ABCA10: variants seen among roughly 807,000 people sequenced by gnomAD.
The protein encoded by ABCA10 is ATP-binding cassette sub-family A member 10.
A neutral mutation model predicts 187.5 loss-of-function variants in ABCA10; 169 were observed. The observed-to-expected ratio is 0.90, with a 90% confidence interval of 0.80 to 1.02. The LOEUF is 1.02. Ranked by LOEUF, ABCA10 falls within the 50% of genes least tolerant of loss-of-function variation. ABCA10 has a pLI of 0.00. For missense variants in ABCA10, 1,727 were observed against 1,812.4 expected, an observed-to-expected ratio of 0.95 and a Z score of 0.86; for synonymous variants, 574 against 601.8, an observed-to-expected ratio of 0.95 and a Z score of 0.68.
intron 25 of ABCA10, among the ~76,000 whole-genome samples, chr17:69,168,524 A>G (rs1048954767): frequency 6.6e-6 from 1 of 152,224 alleles, no homozygotes; most frequent in African/African-American, 2.4e-5. Flanking sequence ...CTCTGTTTTT[A>G]TTCACCAAAT....
chr17:69,187,501 T>G (rs941036806), intron 19 of ABCA10, among the ~76,000 whole-genome samples, 180 bp downstream of exon 19: 17 of 152,178 alleles, frequency 1.1e-4, no homozygotes, highest in African/African-American at 2.4e-5. Context: ...AAAAATCCAG[T>G]GTCACAGTAT....
At chr17:69,169,113 T>C (rs1289339243) in intron 25 of ABCA10, among the ~76,000 whole-genome samples, 1 of 152,186 alleles carries the variant, frequency 6.6e-6, no homozygotes, top group Non-Finnish European at 1.5e-5. Context: ...CCTAAAACAC[T>C]AGAAAGTACT....
rs762672011 is a variant in ABCA10 at position 69,182,808 on chromosome 17, C to T, written c.2498G>A (p.Gly833Glu). 1 of 1,565,528 alleles carries T rather than the reference C, an allele frequency of 6.4e-7. No homozygotes were observed. The highest frequency in any genetic ancestry group is 8.6e-7 in the Non-Finnish European group (1 of 1,161,424). Residue 833 changes from glycine (G) to glutamate (E), a missense_variant and splice_region_variant, in exon 21 of 39, where the codon GGA becomes GAA. By Grantham distance (98) the Gly-to-Glu change is moderately conservative. Transcript: ENST00000690296. ...LTSLLIVNNT[G>E]SNIEDLVHSL... ...ATGCACGAGGTCTTCAATATTTGAT[C>T]CTAACATAGTGGAAGGAAGGCAACA...
At chr17:69,207,333 G>A (rs1321423622) in intron 9 of ABCA10, among the ~76,000 whole-genome samples, 1 of 152,002 alleles carries the variant, frequency 6.6e-6, no homozygotes, top group East Asian at 1.9e-4. Flanking sequence ...TATGATGAAG[G>A]TTCCCAAAAA....
chr17:69,222,712 A>C lies in ABCA10; in HGVS notation c.35-15T>G. The C allele has an allele frequency of 1.9e-6, 3 of 1,544,862 alleles. No individual in the cohort carries two copies. The highest frequency in any genetic ancestry group is 2.6e-6 in the Non-Finnish European group (3 of 1,157,022). On this transcript the variant is annotated splice_polypyrimidine_tract_variant and intron_variant, in intron 3 of 38. Coordinates refer to ENST00000690296, the MANE Select transcript of ABCA10 (RefSeq NM_001377321.1). ...GACTGTTCTTCCTACCATGTATGAAAAACATAAATAAATAATCATGTAAAC... is the reference window on the plus strand; with the variant it reads ...GACTGTTCTTCCTACCATGTATGAACAACATAAATAAATAATCATGTAAAC...
intron 24 of ABCA10, 84 bp from the exon 25 acceptor site, chr17:69,174,478 C>T: frequency 6.9e-7 from 1 of 1,439,918 alleles, no homozygotes; most frequent in Non-Finnish European, 9.5e-7. Context: ...GGTCATAAAG[C>T]TGCCTAAGGC....
intron 6 of ABCA10, among the ~76,000 whole-genome samples, chr17:69,217,082 C>T (rs1472234951): frequency 6.6e-6 from 1 of 151,894 alleles, no homozygotes; most frequent in African/African-American, 2.4e-5. Context: ...CCCATCTCTA[C>T]TAAAAATACA....
intron 14 of ABCA10, 31 bp from the exon 15 acceptor site, chr17:69,193,279 T>C (rs747456102): frequency 1.9e-6 from 3 of 1,603,542 alleles, no homozygotes; most frequent in Non-Finnish European, 2.5e-6. Context: ...GAAAGCATCT[T>C]CCTCTTCACA....
Position 69,185,507 on chromosome 17 carries a change from GA to G in ABCA10, c.2466del (p.Thr824ProfsTer4). The part of the protein sequence containing the change: ...FLSLEQIPKT[P>X]LTSLLIVNNT... Reference sequence around the variant, plus strand: ...TTATTAACGATTAACAGGCTGGTAAGAGGCGTCTTCGGGATTTGTTCCAGAG... The same window carrying G: ...TTATTAACGATTAACAGGCTGGTAAGGGCGTCTTCGGGATTTGTTCCAGAG... On this transcript the variant is annotated frameshift_variant, in exon 20 of 39. Transcript: ENST00000690296. 1 of 1,613,550 alleles carries G rather than the reference GA, an allele frequency of 6.2e-7. No homozygotes were observed. Among genetic ancestry groups the G allele is most frequent in the Non-Finnish European group, 8.5e-7 (1 of 1,179,704 alleles).
At chr17:69,168,280 G>T (rs1290358513) in intron 25 of ABCA10, among the ~76,000 whole-genome samples, 7 of 152,054 alleles carry the variant, frequency 4.6e-5, no homozygotes, top group Admixed American at 4.6e-4. Context: ...AATTGCATGA[G>T]GGTAGGGGGT....
Position 69,148,914 on chromosome 17 carries a change from T to C in ABCA10, c.4545A>G (p.Glu1515=). 1 of 1,613,602 alleles carries C rather than the reference T, an allele frequency of 6.2e-7. No homozygotes were observed. The highest frequency in any genetic ancestry group is 8.5e-7 in the Non-Finnish European group (1 of 1,179,744). ...TTCCCAGCTCCTGCTCTTTACAGAG[T>C]TCTAAGAATACCTAAGTAAGAGAAA... ...SQATLEQVFL[E]LCKEQELGNV... is the part of the protein sequence containing the mutation. Residue 1515 remains glutamate, a synonymous_variant, in exon 39 of 39, where the codon GAA becomes GAG. Coordinates refer to ENST00000690296, the MANE Select transcript of ABCA10 (RefSeq NM_001377321.1).
chr17:69,152,632 T>C, intron 34 of ABCA10, 151 bp from the exon 35 acceptor site: 1 of 1,147,804 alleles, frequency 8.7e-7, no homozygotes, highest in South Asian at 1.8e-5. Flanking sequence ...CAAAAAAATT[T>C]AAAAATTAGC....
Position 69,206,023 on chromosome 17 carries a change from T to C in ABCA10, c.1007-4355A>G, listed in dbSNP as rs1213361063. Among the ~76,000 whole-genome samples the C allele has an allele frequency of 2.0e-5, 3 of 152,148 alleles. No individual in the cohort carries two copies. The East Asian group carries it at 5.8e-4, about 29-fold the overall frequency. ...GTAATATCCCTAGAATTACCATAAG[T>C]CTGGAGTTTCTATCTTTATAGCTAA... On this transcript the variant is annotated intron_variant, in intron 9 of 38. Coordinates refer to ENST00000690296, the MANE Select transcript of ABCA10 (RefSeq NM_001377321.1).
intron 37 of ABCA10, chr17:69,149,380 A>C: frequency 6.0e-6 from 2 of 334,948 alleles, no homozygotes; most frequent in South Asian, 1.2e-4. Context: ...TGTCGAGAAT[A>C]ATTTATTCTA....
Position 69,182,551 on chromosome 17 carries a change from A to G in ABCA10, c.2631+124T>C, listed in dbSNP as rs1257475389. 4 of 1,214,056 alleles carry G rather than the reference A, an allele frequency of 3.3e-6. No homozygotes were observed. In the African/African-American group the frequency reaches 6.3e-5, roughly 19 times the overall value. 75.2% of individuals were successfully genotyped at this position (1,214,056 alleles called of 1,614,324 possible). A position where few individuals can be genotyped will look rare whatever the true frequency, so the allele number is the denominator to read the frequency against. The stretch of plus-strand genomic sequence containing the variant: ...ATTTTATGTGACAAAGAAAGTTTCA[A>G]GCCTCCTCTAATATGATGCCAATTT... On this transcript the variant is annotated intron_variant, in intron 21 of 38. Coordinates refer to ENST00000690296, the MANE Select transcript of ABCA10 (RefSeq NM_001377321.1).
At chr17:69,219,998 G>A (rs1030469593) in intron 5 of ABCA10, among the ~76,000 whole-genome samples, 6 of 152,136 alleles carry the variant, frequency 3.9e-5, no homozygotes, top group African/African-American at 1.2e-4. Context: ...ACTGTGCTAC[G>A]TAATGGGGAA....
rs746720472 is a variant in ABCA10 at position 69,152,489 on chromosome 17, T to C, written c.4137-8A>G. 2.7e-5 allele frequency: 44 copies of C among 1,604,360 alleles called. No homozygotes were observed. Among genetic ancestry groups the C allele is most frequent in the East Asian group, 8.9e-5 (4 of 44,770 alleles). On this transcript the variant is annotated splice_polypyrimidine_tract_variant and splice_region_variant and intron_variant, in intron 34 of 38. Coordinates refer to ENST00000690296, the MANE Select transcript of ABCA10 (RefSeq NM_001377321.1). Reference sequence around the variant, plus strand: ...GTAGCCTGAAGTATCTGCCTAAAGATAAAGTAAGGGATTGTTTGCATTTAG... The same window carrying C: ...GTAGCCTGAAGTATCTGCCTAAAGACAAAGTAAGGGATTGTTTGCATTTAG...
rs766532619 is a variant in ABCA10, at chr17:69,154,288, T to C, written c.3733A>G (p.Lys1245Glu). The C allele has an allele frequency of 1.2e-6, 2 of 1,612,764 alleles. No individual in the cohort carries two copies. Among genetic ancestry groups the C allele is most frequent in the South Asian group, 2.2e-5 (2 of 90,578 alleles). The change falls in exon 31 of 39, where the codon AAA (lysine) becomes GAA (glutamate). Residue 1245 changes from lysine to glutamate, a missense_variant. By Grantham distance (56) the Lys-to-Glu change is moderately conservative (BLOSUM62 1). Transcript: ENST00000690296. Reference sequence around the variant, plus strand: ...GTTATCATTTTAATGGAAGTACTTTTACCAGCTCCATTGTGTCCTAGTAAT... The same window carrying C: ...GTTATCATTTTAATGGAAGTACTTTCACCAGCTCCATTGTGTCCTAGTAAT... ...LGLLGHNGAGKSTSIKMITGC... is the reference protein window; with the variant it reads ...LGLLGHNGAGESTSIKMITGC...
chr17:69,164,738 CTG>C lies in ABCA10; in HGVS notation c.3282+224_3282+225del, dbSNP rs577415276. Among the ~76,000 whole-genome samples the C allele has an allele frequency of 8.5e-5, 13 of 152,260 alleles. No individual in the cohort carries two copies. The East Asian group carries it at 2.5e-3, about 29-fold the overall frequency. ...AATTCATAAACCACGGTTGGGCTTC[CTG>C]CTGTATTTCTGCATGGATTGACCCT... On this transcript the variant is annotated intron_variant, in intron 26 of 38. Coordinates refer to ENST00000690296, the MANE Select transcript of ABCA10 (RefSeq NM_001377321.1).
Sources: allele counts gnomAD v4.1 joint callset (sites outside exome capture counted in the v4.1 genomes callset), GRCh38; gene constraint gnomAD v4.1.1; transcripts MANE v1.5; gene names NCBI Gene and HGNC (gene_info 2026-07-23, HGNC 2026-07-21).